SNX24: variants seen among roughly 807,000 people sequenced by gnomAD.
The protein encoded by SNX24 is sorting nexin-24.
Under a neutral mutation model 28.7 loss-of-function variants are expected in SNX24, and 22 were observed. The ratio of observed to expected loss-of-function variants is 0.77; its 90% CI spans 0.55 to 1.10. The LOEUF is 1.10. SNX24 is among the 50% of genes least tolerant of loss of function. The pLI is 0.00. For missense variants in SNX24, 221 were observed against 201.1 expected (o/e 1.10, Z -0.60); for synonymous variants, 69 against 71.5 (o/e 0.96, Z 0.18).
At chr5:122,850,409 T>A (rs1261225805) in intron 1 of SNX24, among the ~76,000 whole-genome samples, 2 of 152,138 alleles carry the variant, frequency 1.3e-5, no homozygotes, top group Non-Finnish European at 2.9e-5. Flanking sequence ...ACCAATACAT[T>A]GGGTTTAGAA....
At chr5:122,987,899 G>C (rs1486022310) in intron 3 of SNX24, among the ~76,000 whole-genome samples, 1 of 152,160 alleles carries the variant, frequency 6.6e-6, no homozygotes, top group African/African-American at 2.4e-5. Flanking sequence ...CATGCATTAA[G>C]GGGCTAGGAA....
At chr5:122,924,958 C>G (rs1254799260) in intron 1 of SNX24, among the ~76,000 whole-genome samples, 2 of 151,552 alleles carry the variant, frequency 1.3e-5, no homozygotes, top group Non-Finnish European at 2.9e-5. Context: ...CCTTCCCTCC[C>G]CACTCTTCCC....
At chr5:122,892,067 T>C (rs983484353) in intron 1 of SNX24, among the ~76,000 whole-genome samples, 3 of 152,178 alleles carry the variant, frequency 2.0e-5, no homozygotes, top group Non-Finnish European at 4.4e-5. Context: ...TTTTGAGAAA[T>C]TAAAATTTAA....
At chr5:122,882,522 C>T (rs974847431) in intron 1 of SNX24, among the ~76,000 whole-genome samples, 3 of 152,218 alleles carry the variant, frequency 2.0e-5, no homozygotes, top group African/African-American at 7.2e-5. Flanking sequence ...GGCCTTGGCA[C>T]AGCACAGAGC....
At chr5:122,896,668 C>T (rs1228022987) in intron 1 of SNX24, among the ~76,000 whole-genome samples, 1 of 152,144 alleles carries the variant, frequency 6.6e-6, no homozygotes, top group African/African-American at 2.4e-5. Context: ...TTCAACAATA[C>T]CATATGTACT....
intron 3 of SNX24, among the ~76,000 whole-genome samples, chr5:122,967,094 C>T (rs1760743927): frequency 6.6e-6 from 1 of 152,170 alleles, no homozygotes; most frequent in African/African-American, 2.4e-5. Context: ...AAAGATGATG[C>T]AGAGTGTTAT....
chr5:122,934,434 A>G (rs995072035), intron 1 of SNX24, among the ~76,000 whole-genome samples: 3 of 152,120 alleles, frequency 2.0e-5, no homozygotes, highest in African/African-American at 7.2e-5. Context: ...ATCTTGGCTC[A>G]CTGCAACCTC....
intron 1 of SNX24, among the ~76,000 whole-genome samples, chr5:122,852,135 T>C (rs1754951227): frequency 6.6e-6 from 1 of 150,822 alleles, no homozygotes; most frequent in African/African-American, 2.4e-5. Context: ...TCTATATATA[T>C]ATGTATATAT....
intron 1 of SNX24, among the ~76,000 whole-genome samples, chr5:122,860,078 A>T (rs1360253516): frequency 6.6e-6 from 1 of 152,228 alleles, no homozygotes; most frequent in East Asian, 1.9e-4. Context: ...GAAGAAAAAG[A>T]TCTTCTAGCT....
chr5:122,939,410 G>T (rs761580696), intron 2 of SNX24, among the ~76,000 whole-genome samples: 1 of 152,138 alleles, frequency 6.6e-6, no homozygotes, highest in Non-Finnish European at 1.5e-5. Flanking sequence ...TCATTTATCT[G>T]CTAGTGTCTA....
intron 2 of SNX24, among the ~76,000 whole-genome samples, chr5:122,943,112 C>G (rs1180793691): frequency 6.6e-6 from 1 of 152,058 alleles, no homozygotes; most frequent in Non-Finnish European, 1.5e-5. Context: ...GGAGAACTGC[C>G]TCGGACAGTA....
chr5:122,872,897 C>T (rs1043369901), intron 1 of SNX24, among the ~76,000 whole-genome samples: 3 of 151,576 alleles, frequency 2.0e-5, no homozygotes, highest in Admixed American at 2.0e-4. Flanking sequence ...AATTTTGACT[C>T]CTATCAGTGT....
At chr5:122,935,030 C>T (rs1759122785) in intron 1 of SNX24, among the ~76,000 whole-genome samples, 1 of 152,120 alleles carries the variant, frequency 6.6e-6, no homozygotes, top group Non-Finnish European at 1.5e-5. Flanking sequence ...GTAGGTAGAG[C>T]CTTGCCGAGT....
chr5:123,010,370 A>T (rs766361206), downstream of SNX24, among the ~76,000 whole-genome samples: 1 of 151,526 alleles, frequency 6.6e-6, no homozygotes, highest in Non-Finnish European at 1.5e-5. Flanking sequence ...AACTCACTGC[A>T]ACTTCTGCCT....
At chr5:122,951,487 G>C (rs1759940990) in intron 3 of SNX24, among the ~76,000 whole-genome samples, 1 of 152,120 alleles carries the variant, frequency 6.6e-6, no homozygotes. Context: ...GTGTTTACCA[G>C]TTTCTGAAAA....
At chr5:123,013,827 ATTG>A (rs34079140), downstream of SNX24, among the ~76,000 whole-genome samples, 18,201 of 152,104 alleles carry the variant, frequency 0.12, 2,554 homozygotes, top group African/African-American at 0.34. Flanking sequence ...GATGTCATGT[ATTG>A]TTGGACTAGG....
At chr5:122,931,705 C>T (rs1243706305) in intron 1 of SNX24, among the ~76,000 whole-genome samples, 3 of 152,180 alleles carry the variant, frequency 2.0e-5, no homozygotes, top group African/African-American at 4.8e-5. Context: ...TAACGATACA[C>T]TGACCTAAAC....
At position 122,936,801 on chromosome 5, in the gene SNX24, A is replaced by T. The variant is rs754728861; in HGVS notation, c.128A>T (p.His43Leu). The T allele has an allele frequency of 5.2e-5, 83 of 1,606,278 alleles. No individual in the cohort carries two copies. The highest frequency in any genetic ancestry group is 6.7e-5 in the Non-Finnish European group (79 of 1,174,216). The change falls in exon 2 of 7, where the codon CAT becomes CTT. Residue 43 changes from histidine to leucine, a missense_variant. Coordinates refer to ENST00000261369, the MANE Select transcript of SNX24 (RefSeq NM_014035.4). The stretch of plus-strand genomic sequence containing the variant: ...GTTGAAAAGAGATACAGCGAATTTC[A>T]TGCTTTGCACAAAAAGGTAACTTGT... ...HFVEKRYSEF[H>L]ALHKKLKKCI...
At chr5:122,859,385 C>G (rs1181619520) in intron 1 of SNX24, among the ~76,000 whole-genome samples, 1 of 152,216 alleles carries the variant, frequency 6.6e-6, no homozygotes, top group Admixed American at 6.5e-5. Flanking sequence ...GGGAAGATCC[C>G]TTGAGCCCAG....
Sources: gnomAD v4.1 joint callset for allele counts (sites outside exome capture counted in the v4.1 genomes callset) on GRCh38, gnomAD v4.1.1 for gene constraint, MANE v1.5 for transcripts, NCBI Gene and HGNC (gene_info 2026-07-23, HGNC 2026-07-21) for gene names.